The following MEAK7 variants were observed in gnomAD, a reference collection of about 807,000 sequenced individuals.
MEAK7 encodes MTOR associated protein MEAK7.
In MEAK7, 68 loss-of-function variants were observed where a neutral mutation model predicts 40.5. That is an observed-to-expected ratio of 1.68 (90% CI 1.38 to 2.06). MEAK7 has a LOEUF of 2.06. MEAK7 is among the 30% of genes most tolerant of loss of function. The pLI is 0.00. For missense variants in MEAK7, 918 were observed against 580.5 expected (o/e 1.58, Z -5.98); for synonymous variants, 338 against 231.9 (o/e 1.46, Z -4.16).
intron 3 of MEAK7, among the ~76,000 whole-genome samples, chr16:84,490,253 G>A (rs1381614988): frequency 6.7e-6 from 1 of 148,968 alleles, no homozygotes; most frequent in Non-Finnish European, 1.5e-5. Flanking sequence ...CAAGGCCTCT[G>A]AATTGGCTAA....
chr16:84,489,128 A>T (rs955906557), intron 4 of MEAK7, 150 bp downstream of exon 4: 2 of 1,045,834 alleles, frequency 1.9e-6, no homozygotes, highest in South Asian at 2.1e-5. Context: ...GGATTATTTT[A>T]AAATATGCCA....
rs886725837 is a variant in MEAK7, at chr16:84,477,935, T to A, written c.*1978A>T. 6.6e-6 allele frequency: 1 copy of A among 152,120 alleles called. No individual in the cohort carries two copies. The highest frequency in any genetic ancestry group is 1.5e-5 in the Non-Finnish European group (1 of 68,030). 9.4% of individuals were successfully genotyped at this position (152,120 alleles called of 1,614,324 possible). A position where few individuals can be genotyped will look rare whatever the true frequency, so the allele number is the denominator to read the frequency against. ...GTGCATTCGTGATCTGCACTCTCCT[T>A]AGAACAAGCTCAGGGTGGAAAGCAT... is the stretch of plus-strand genomic sequence containing the variant. On this transcript the variant is annotated 3_prime_UTR_variant, in exon 8 of 8. Coordinates refer to ENST00000343629, the MANE Select transcript of MEAK7 (RefSeq NM_020947.4).
intron 5 of MEAK7, among the ~76,000 whole-genome samples, chr16:84,484,594 TAAAA>T (rs1912869300): frequency 6.6e-6 from 1 of 152,214 alleles, no homozygotes; most frequent in Non-Finnish European, 1.5e-5. Flanking sequence ...AACAGTCCTT[TAAAA>T]AGGTTTACGA....
At chr16:84,486,301 A>C in intron 5 of MEAK7, 1 of 417,002 alleles carries the variant, frequency 2.4e-6, no homozygotes. Context: ...CCAGGGAAGG[A>C]AAATGTCCGA....
chr16:84,495,823 G>C lies in MEAK7; in HGVS notation c.244C>G (p.Pro82Ala). ...TGCTCCTGGGACACGTTCTCACTGG[G>C]TCCCTTCGCCTTCCCTGTCAGGTCG... ...RVDLTGKAKG[P>A]SENVSQEQFT... Residue 82 changes from proline (P) to alanine (A), a missense_variant, in exon 3 of 8, where the codon CCC becomes GCC. Transcript: ENST00000343629. 1 of 1,614,036 alleles carries C rather than the reference G, an allele frequency of 6.2e-7. No homozygotes were observed. The highest frequency in any genetic ancestry group is 1.6e-4 in the Middle Eastern group (1 of 6,062).
Position 84,476,920 on chromosome 16 carries a change from C to G in MEAK7, c.*2993G>C, listed in dbSNP as rs1286239528. The G allele has an allele frequency of 1.3e-5, 2 of 152,210 alleles. No homozygotes were observed. Among genetic ancestry groups the G allele is most frequent in the Non-Finnish European group, 2.9e-5 (2 of 68,072 alleles). 9.4% of individuals were successfully genotyped at this position (152,210 alleles called of 1,614,324 possible). The stretch of plus-strand genomic sequence containing the variant: ...ACACAATTTTTTTTAAACATAGGGT[C>G]TTGCTGTGTTGCCCAGGCTGGAGTG... On this transcript the variant is annotated 3_prime_UTR_variant, in exon 8 of 8. Transcript: ENST00000343629.
intron 5 of MEAK7, among the ~76,000 whole-genome samples, chr16:84,483,054 G>A (rs1023546932): frequency 6.6e-6 from 1 of 152,200 alleles, no homozygotes; most frequent in African/African-American, 2.4e-5. Context: ...TATGAGCACG[G>A]GGCAGGTGGT....
intron 4 of MEAK7, chr16:84,488,091 A>G (rs1270429357): frequency 6.7e-6 from 1 of 149,638 alleles, no homozygotes; most frequent in Non-Finnish European, 1.5e-5. Flanking sequence ...TTTATTTTTC[A>G]AACAGTTTCA....
rs4782977 is a variant in MEAK7, at chr16:84,476,358, G to C, written c.*3555C>G. The C allele has an allele frequency of 6.6e-6, 1 of 151,794 alleles. No homozygotes were observed. Among genetic ancestry groups the C allele is most frequent in the Non-Finnish European group, 1.5e-5 (1 of 67,976 alleles). 9.4% of individuals were successfully genotyped at this position (151,794 alleles called of 1,614,324 possible). On this transcript the variant is annotated 3_prime_UTR_variant, in exon 8 of 8. Coordinates refer to ENST00000343629, the MANE Select transcript of MEAK7 (RefSeq NM_020947.4). ...AACAAAATATAGTTTTTGTCTATCA[G>C]GTTAAAAAAACATATTTTAATACAG...
chr16:84,493,497 T>A (rs1224052048), intron 3 of MEAK7, among the ~76,000 whole-genome samples: 1 of 152,210 alleles, frequency 6.6e-6, no homozygotes, highest in Non-Finnish European at 1.5e-5. Context: ...ACCGAAATAA[T>A]CTTTTATGAC....
chr16:84,484,072 G>GGTCCA (rs1912820870), intron 5 of MEAK7, among the ~76,000 whole-genome samples: 1 of 152,204 alleles, frequency 6.6e-6, no homozygotes, highest in Non-Finnish European at 1.5e-5. Context: ...CTGGACTTCA[G>GGTCCA]GTAAGCGGCC....
rs1912263353 is a variant in MEAK7 at position 84,478,920 on chromosome 16, A to C, written c.*993T>G. The C allele has an allele frequency of 6.6e-6, 1 of 152,196 alleles. No individual in the cohort carries two copies. Among genetic ancestry groups the C allele is most frequent in the South Asian group, 2.1e-4 (1 of 4,828 alleles). The allele number at this position is 152,196 out of a possible 1,614,324, so 9.4% of individuals were successfully genotyped here. A position where few individuals can be genotyped will look rare whatever the true frequency, so the allele number is the denominator to read the frequency against. Reference sequence around the variant, plus strand: ...CAGTCACTCACCACTGATTTATGGAATGGACCATATACGTATTTATCAACC... The same window carrying C: ...CAGTCACTCACCACTGATTTATGGACTGGACCATATACGTATTTATCAACC... On this transcript the variant is annotated 3_prime_UTR_variant, in exon 8 of 8. Transcript: ENST00000343629.
At chr16:84,501,105 G>GAAAAAAAAAAAAAAAAAAAAAAA (rs35447624) in intron 1 of MEAK7, among the ~76,000 whole-genome samples, 2 of 103,638 alleles carry the variant, frequency 1.9e-5, no homozygotes, top group Non-Finnish European at 3.6e-5. Context: ...AAAAAAAAAA[G>GAAAAAAAAAAAAAAAAAAAAAAA]AAAAAAAAAA....
intron 2 of MEAK7, chr16:84,497,352 G>T: frequency 8.4e-7 from 1 of 1,183,940 alleles, no homozygotes; most frequent in South Asian, 1.4e-5. Flanking sequence ...TGCAAGATGA[G>T]CCTTGAATCT....
Position 84,477,320 on chromosome 16 carries a change from T to C in MEAK7, c.*2593A>G, listed in dbSNP as rs1198193547. The C allele has an allele frequency of 6.6e-6, 1 of 152,270 alleles. No individual in the cohort carries two copies. Among genetic ancestry groups the C allele is most frequent in the African/African-American group, 2.4e-5 (1 of 41,410 alleles). 9.4% of individuals were successfully genotyped at this position (152,270 alleles called of 1,614,324 possible). The stretch of plus-strand genomic sequence containing the variant: ...AATTCTACTACCTCAGCCTCCTGAG[T>C]AGCTGAGATTACAGGCATGTGCCAC... On this transcript the variant is annotated 3_prime_UTR_variant, in exon 8 of 8. Coordinates refer to ENST00000343629, the MANE Select transcript of MEAK7 (RefSeq NM_020947.4).
At chr16:84,485,695 T>C (rs1286515897) in intron 5 of MEAK7, among the ~76,000 whole-genome samples, 3 of 152,240 alleles carry the variant, frequency 2.0e-5, no homozygotes, top group African/African-American at 7.2e-5. Context: ...TCTATCTATC[T>C]ATCTAGAGAT....
rs796800856 is a variant in MEAK7 at position 84,479,285 on chromosome 16, C to G, written c.*628G>C. 10 of 152,352 alleles carry G rather than the reference C, an allele frequency of 6.6e-5. No individual in the cohort carries two copies. The highest frequency in any genetic ancestry group is 2.2e-4 in the African/African-American group (9 of 41,564). 9.4% of individuals were successfully genotyped at this position (152,352 alleles called of 1,614,324 possible). On this transcript the variant is annotated 3_prime_UTR_variant, in exon 8 of 8. Coordinates refer to ENST00000343629, the MANE Select transcript of MEAK7 (RefSeq NM_020947.4). Reference sequence around the variant, plus strand: ...TGCCTCTGTCCCTCACCCGTCAGAACAGACCATCAGGTACCACCTTCTAAC... The same window carrying G: ...TGCCTCTGTCCCTCACCCGTCAGAAGAGACCATCAGGTACCACCTTCTAAC...
intron 3 of MEAK7, among the ~76,000 whole-genome samples, chr16:84,493,149 T>TTA (rs984654211): frequency 7.2e-5 from 11 of 152,308 alleles, no homozygotes; most frequent in African/African-American, 2.6e-4. Context: ...CTGATGTGTC[T>TTA]TAGTATATGT....
At chr16:84,492,082 G>A (rs902883390) in intron 3 of MEAK7, among the ~76,000 whole-genome samples, 3 of 152,230 alleles carry the variant, frequency 2.0e-5, no homozygotes, top group African/African-American at 7.2e-5. Flanking sequence ...CACAGGGCCT[G>A]AAATTTAAAA....
Sources: gnomAD v4.1 joint callset for allele counts (sites outside exome capture counted in the v4.1 genomes callset) on GRCh38, gnomAD v4.1.1 for gene constraint, MANE v1.5 for transcripts, NCBI Gene and HGNC (gene_info 2026-07-23, HGNC 2026-07-21) for gene names.